Variants in SLAIN1 observed in about 807,000 individuals in gnomAD.
The protein encoded by SLAIN1 is SLAIN family member 1.
A neutral mutation model predicts 55.4 loss-of-function variants in SLAIN1; 17 were observed. The ratio of observed to expected loss-of-function variants is 0.31; its 90% CI spans 0.21 to 0.46. The LOEUF is 0.46. Ranked by LOEUF, SLAIN1 falls within the 20% of genes least tolerant of loss-of-function variation. The probability of loss-of-function intolerance (pLI) is 1.00; values close to 1 mark genes in which losing one functional copy is unlikely to be tolerated. For missense variants in SLAIN1, 682 were observed against 785.1 expected, an observed-to-expected ratio of 0.87 and a Z score of 1.57; for synonymous variants, 348 against 337.4, an observed-to-expected ratio of 1.03 and a Z score of -0.35.
chr13:77,699,400 C>T (rs2091009051), intron 1 of SLAIN1, among the ~76,000 whole-genome samples: 1 of 152,202 alleles, frequency 6.6e-6, no homozygotes, highest in Non-Finnish European at 1.5e-5. Flanking sequence ...AGCATTTATT[C>T]AGTTGACATC....
chr13:77,703,119 G>A (rs2091047509), intron 1 of SLAIN1, among the ~76,000 whole-genome samples: 1 of 152,070 alleles, frequency 6.6e-6, no homozygotes, highest in Admixed American at 6.6e-5. Flanking sequence ...CTTTATTTTA[G>A]TAGAATGACA....
At chr13:77,741,187 G>A (rs1873411512) in intron 2 of SLAIN1, 2 of 985,426 alleles carry the variant, frequency 2.0e-6, no homozygotes, top group Non-Finnish European at 2.4e-6. Context: ...TGATCAGACT[G>A]GTATAAAATA....
intron 1 of SLAIN1, among the ~76,000 whole-genome samples, chr13:77,715,485 G>T (rs1297073125): frequency 6.6e-6 from 1 of 152,196 alleles, no homozygotes; most frequent in East Asian, 1.9e-4. Context: ...GAGAGTAAGT[G>T]TAGGTTAACT....
intron 2 of SLAIN1, chr13:77,741,336 T>G (rs1317456749): frequency 1.0e-6 from 1 of 987,308 alleles, no homozygotes; most frequent in African/African-American, 1.7e-5. Flanking sequence ...TATTAACCCC[T>G]AGTTTGTAGT....
At chr13:77,705,766 G>A (rs2091083362) in intron 1 of SLAIN1, among the ~76,000 whole-genome samples, 1 of 151,448 alleles carries the variant, frequency 6.6e-6, no homozygotes, top group African/African-American at 2.4e-5. Context: ...GATGACTTTA[G>A]AACCAAATAT....
chr13:77,723,932 T>A (rs1566229158), intron 2 of SLAIN1, among the ~76,000 whole-genome samples: 4 of 145,906 alleles, frequency 2.7e-5, no homozygotes, highest in Non-Finnish European at 4.5e-5. Flanking sequence ...TTTTGGAGAT[T>A]AAAAAAAAAA....
In SLAIN1 at chr13:77,746,738, C is replaced by T. The variant is rs745624285; in HGVS notation, c.1141C>T (p.Arg381Trp). Residue 381 changes from arginine to tryptophan, a missense_variant, in exon 4 of 7, where the codon CGG becomes TGG. Arg to Trp is a moderately radical substitution (Grantham distance 101). Coordinates refer to ENST00000418532, the MANE Select transcript of SLAIN1 (RefSeq NM_001242868.2). ...IPHSQTFSSIRECRRSPSSQY... is the reference protein window; with the variant it reads ...IPHSQTFSSIWECRRSPSSQY... ...CCATTCACAGACTTTCTCCAGCATTCGGGAGTGTAGGAGGAGCCCCAGTTC... is the reference window on the plus strand; with the variant it reads ...CCATTCACAGACTTTCTCCAGCATTTGGGAGTGTAGGAGGAGCCCCAGTTC... 29 of 1,613,722 alleles carry T rather than the reference C, an allele frequency of 1.8e-5. No homozygotes were observed. The South Asian group carries it at 2.0e-4, about 11-fold the overall frequency.
intron 4 of SLAIN1, among the ~76,000 whole-genome samples, chr13:77,748,271 TA>T (rs1873967490): frequency 6.6e-6 from 1 of 151,904 alleles, no homozygotes; most frequent in Non-Finnish European, 1.5e-5. Context: ...GAGTGGTGGC[TA>T]AAAAATGTCA....
intron 2 of SLAIN1, chr13:77,743,319 T>C: frequency 4.7e-6 from 2 of 428,422 alleles, no homozygotes; most frequent in Non-Finnish European, 7.8e-6. Context: ...GGCCTAGCAC[T>C]AATTTGTACT....
chr13:77,758,152 G>A (rs1874738750), intron 5 of SLAIN1, among the ~76,000 whole-genome samples: 1 of 151,904 alleles, frequency 6.6e-6, no homozygotes, highest in African/African-American at 2.4e-5. Context: ...ATCTCATTGT[G>A]GTTTTAATTT....
At position 77,744,121 on chromosome 13, in the gene SLAIN1, T is replaced by C. The variant is rs1449689782; in HGVS notation, c.767-162T>C. On this transcript the variant is annotated intron_variant, in intron 2 of 6. Coordinates refer to ENST00000418532, the MANE Select transcript of SLAIN1 (RefSeq NM_001242868.2). ...CAAGTGGTTTTGTATATATGAATTGTGTACACATGATGTGCACGTTGACCA... is the reference window on the plus strand; with the variant it reads ...CAAGTGGTTTTGTATATATGAATTGCGTACACATGATGTGCACGTTGACCA... The C allele has an allele frequency of 1.1e-5, 7 of 654,326 alleles. No homozygotes were observed. In the Admixed American group the frequency reaches 1.6e-4, roughly 15 times the overall value. 40.5% of individuals were successfully genotyped at this position (654,326 alleles called of 1,614,324 possible). A position where few individuals can be genotyped will look rare whatever the true frequency, so the allele number is the denominator to read the frequency against.
chr13:77,709,497 A>C (rs1045603556), intron 1 of SLAIN1, among the ~76,000 whole-genome samples: 1 of 152,232 alleles, frequency 6.6e-6, no homozygotes, highest in Non-Finnish European at 1.5e-5. Context: ...AATAAAGTTA[A>C]GAGCAGCCAA....
chr13:77,739,327 A>G (rs1304256127), intron 2 of SLAIN1, among the ~76,000 whole-genome samples: 1 of 152,106 alleles, frequency 6.6e-6, no homozygotes, highest in African/African-American at 2.4e-5. Context: ...ATGGTTTGAG[A>G]TAAGGAAATA....
intron 2 of SLAIN1, among the ~76,000 whole-genome samples, chr13:77,720,496 C>G (rs899083241): frequency 6.6e-6 from 1 of 152,156 alleles, no homozygotes; most frequent in Non-Finnish European, 1.5e-5. Flanking sequence ...TATTTGAGAA[C>G]GCTGCCCATG....
intron 2 of SLAIN1, among the ~76,000 whole-genome samples, chr13:77,739,565 T>C (rs1873307479): frequency 6.6e-6 from 1 of 152,122 alleles, no homozygotes; most frequent in Non-Finnish European, 1.5e-5. Context: ...GTGAATTAAG[T>C]AATTGCTTTC....
chr13:77,746,502 G>A lies in SLAIN1; in HGVS notation c.917-12G>A. The A allele has an allele frequency of 6.3e-7, 1 of 1,582,750 alleles. No individual in the cohort carries two copies. Among genetic ancestry groups the A allele is most frequent in the African/African-American group, 1.4e-5 (1 of 73,982 alleles). Reference sequence around the variant, plus strand: ...ATCAAAATACATTAGAGTACTATTTGTTATTTTATAGGTCTCAGGCAAGAT... The same window carrying A: ...ATCAAAATACATTAGAGTACTATTTATTATTTTATAGGTCTCAGGCAAGAT... On this transcript the variant is annotated splice_polypyrimidine_tract_variant and intron_variant, in intron 3 of 6. Transcript: ENST00000418532.
At chr13:77,750,255 C>T (rs2154410663) in intron 4 of SLAIN1, among the ~76,000 whole-genome samples, 1 of 152,136 alleles carries the variant, frequency 6.6e-6, no homozygotes, top group East Asian at 1.9e-4. Flanking sequence ...GTTTATGATA[C>T]TATTTTTTAA....
chr13:77,722,476 TA>T (rs1246033126), intron 2 of SLAIN1, among the ~76,000 whole-genome samples: 1 of 152,182 alleles, frequency 6.6e-6, no homozygotes, highest in Non-Finnish European at 1.5e-5. Flanking sequence ...CAGATATACT[TA>T]AGAAAAGCTA....
At chr13:77,710,820 T>C (rs1339478201) in intron 1 of SLAIN1, among the ~76,000 whole-genome samples, 1 of 152,108 alleles carries the variant, frequency 6.6e-6, no homozygotes, top group East Asian at 1.9e-4. Context: ...TATTCTAAAA[T>C]TGACCACATA....
Sources: gnomAD v4.1 joint callset for allele counts (sites outside exome capture counted in the v4.1 genomes callset) on GRCh38, gnomAD v4.1.1 for gene constraint, MANE v1.5 for transcripts, NCBI Gene and HGNC (gene_info 2026-07-23, HGNC 2026-07-21) for gene names.